Variants in TNS4 observed in about 807,000 individuals in gnomAD.
TNS4 encodes tensin 4.
Under a neutral mutation model 70.4 loss-of-function variants are expected in TNS4, and 46 were observed. That is an observed-to-expected ratio of 0.65 (90% CI 0.52 to 0.84). The LOEUF is 0.84. TNS4 is among the 40% of genes least tolerant of loss of function. TNS4 has a pLI of 0.00. For synonymous variants in TNS4, 390 were observed against 366.6 expected (o/e 1.06, Z -0.73); for missense variants, 863 against 907.0 (o/e 0.95, Z 0.62).
chr17:40,482,186 A>G lies in TNS4; in HGVS notation c.1615T>C (p.Cys539Arg). The G allele has an allele frequency of 6.2e-7, 1 of 1,614,220 alleles. No homozygotes were observed. Among genetic ancestry groups the G allele is most frequent in the Non-Finnish European group, 8.5e-7 (1 of 1,180,046 alleles). ...PYFGSLSAFV[C>R]QHSIMALALP... ...GCCAGGGCCATGATGGAATGCTGGC[A>G]CACGAAGGCAGAGAGGCTCCCTGAA... The change falls in exon 8 of 13, where the codon TGC (cysteine) becomes CGC (arginine). Residue 539 changes from cysteine to arginine, a missense_variant. Transcript: ENST00000254051.
At chr17:40,485,056 C>T in intron 4 of TNS4, 49 bp from the exon 5 acceptor site, 2 of 1,533,720 alleles carry the variant, frequency 1.3e-6, no homozygotes, top group South Asian at 1.1e-5. Context: ...CAGACGGGAG[C>T]TGAGGGATGT....
In TNS4 at chr17:40,484,505, C is replaced by T. The variant is rs144945269; in HGVS notation, c.1480G>A (p.Ala494Thr). The T allele has an allele frequency of 6.7e-4, 1,078 of 1,611,726 alleles. 8 individuals are homozygous for T. The highest frequency in any genetic ancestry group is 2.0e-3 in the South Asian group (182 of 91,076). ...GLALKVQEVP[A>T]SAQSRPGEDS... The stretch of plus-strand genomic sequence containing the variant: ...ATACCTGGTCGACTCTGAGCAGACG[C>T]GGGAACCTCCTGCACCTTCAGGGCC... Residue 494 changes from alanine (A) to threonine (T), a missense_variant, in exon 6 of 13, where the codon GCG (alanine) becomes ACG (threonine). Coordinates refer to ENST00000254051, the MANE Select transcript of TNS4 (RefSeq NM_032865.6).
Position 40,476,284 on chromosome 17 carries a change from A to G in TNS4, c.*1304T>C, listed in dbSNP as rs970982598. 1 of 151,330 alleles carries G rather than the reference A, an allele frequency of 6.6e-6. No homozygotes were observed. Among genetic ancestry groups the G allele is most frequent in the Non-Finnish European group, 1.5e-5 (1 of 67,976 alleles). The allele number at this position is 151,330 out of a possible 1,614,324, so 9.4% of individuals were successfully genotyped here. On this transcript the variant is annotated 3_prime_UTR_variant, in exon 13 of 13. Coordinates refer to ENST00000254051, the MANE Select transcript of TNS4 (RefSeq NM_032865.6). ...AGAGCCCAGCTCCTCCAAGCCTCTT[A>G]GGGAAGCGGCCTCTTTGCATTCTTG...
chr17:40,496,534 A>G lies in TNS4; in HGVS notation c.-95-14T>C, dbSNP rs941981862. On this transcript the variant is annotated splice_polypyrimidine_tract_variant and intron_variant, in intron 1 of 12. Coordinates refer to ENST00000254051, the MANE Select transcript of TNS4 (RefSeq NM_032865.6). ...AGCTCCCAGGATCTGAAAGAGTCCA[A>G]GAGTGGGAACGGAGTAATTTCTGTA... 4.1e-6 allele frequency: 5 copies of G among 1,207,190 alleles called. No homozygotes were observed. Among genetic ancestry groups the G allele is most frequent in the Middle Eastern group, 2.9e-4 (1 of 3,502 alleles). 74.8% of individuals were successfully genotyped at this position (1,207,190 alleles called of 1,614,324 possible). A position where few individuals can be genotyped will look rare whatever the true frequency, so the allele number is the denominator to read the frequency against.
intron 10 of TNS4, 134 bp from the exon 11 acceptor site, chr17:40,478,782 G>C (rs542650772): frequency 2.1e-6 from 2 of 951,418 alleles, no homozygotes; most frequent in Non-Finnish European, 3.2e-6. Flanking sequence ...CTTGAAGACC[G>C]CTATGGCCTT....
In TNS4 at chr17:40,484,955, T is replaced by A. The variant is rs1481911769; in HGVS notation, c.1341A>T (p.Lys447Asn). 6.2e-7 allele frequency: 1 copy of A among 1,614,208 alleles called. No homozygotes were observed. The highest frequency in any genetic ancestry group is 1.7e-5 in the Admixed American group (1 of 60,026). ...PTMKFVMDTS[K>N]YWFKPNITRE... Reference sequence around the variant, plus strand: ...GGGTGATGTTTGGCTTAAACCAGTATTTAGATGTGTCCATCACGAACTTCA... The same window carrying A: ...GGGTGATGTTTGGCTTAAACCAGTAATTAGATGTGTCCATCACGAACTTCA... Residue 447 changes from lysine to asparagine, a missense_variant, in exon 5 of 13, where the codon AAA becomes AAT. By Grantham distance (94) the Lys-to-Asn change is moderately conservative. Transcript: ENST00000254051.
chr17:40,489,148 G>C (rs567803229), intron 2 of TNS4, among the ~76,000 whole-genome samples, 179 bp from the exon 3 acceptor site: 1 of 152,204 alleles, frequency 6.6e-6, no homozygotes, highest in African/African-American at 2.4e-5. Flanking sequence ...CACCCTCCCT[G>C]TGACAACTTC....
intron 9 of TNS4, among the ~76,000 whole-genome samples, chr17:40,480,163 C>A (rs918227464): frequency 1.3e-5 from 2 of 152,202 alleles, no homozygotes; most frequent in African/African-American, 4.8e-5. Context: ...CCTCCCCACA[C>A]CTCCATCTTC....
intron 1 of TNS4, among the ~76,000 whole-genome samples, chr17:40,497,920 CT>C (rs1567815706): frequency 6.6e-6 from 1 of 152,198 alleles, no homozygotes; most frequent in Non-Finnish European, 1.5e-5. Flanking sequence ...CCTCATTTTC[CT>C]TACTGTGAAA....
chr17:40,488,010 G>A (rs1028542035), intron 3 of TNS4, among the ~76,000 whole-genome samples: 3 of 152,250 alleles, frequency 2.0e-5, no homozygotes, highest in Admixed American at 1.3e-4. Context: ...TGGAGGTGGA[G>A]TGGGAAGCAG....
At chr17:40,486,645 G>A (rs2035992515) in intron 4 of TNS4, among the ~76,000 whole-genome samples, 1 of 151,054 alleles carries the variant, frequency 6.6e-6, no homozygotes, top group Admixed American at 6.6e-5. Flanking sequence ...AACATGCCAT[G>A]CGCTTCCACA....
intron 8 of TNS4, among the ~76,000 whole-genome samples, chr17:40,481,894 C>T (rs564083217): frequency 6.6e-6 from 1 of 152,384 alleles, no homozygotes; most frequent in African/African-American, 2.4e-5. Flanking sequence ...CGGGCTATCT[C>T]TTTCGGTCTG....
chr17:40,493,973 C>T (rs1473579909), intron 2 of TNS4, among the ~76,000 whole-genome samples: 2 of 152,252 alleles, frequency 1.3e-5, no homozygotes, highest in Non-Finnish European at 2.9e-5. Context: ...AGTGACATGC[C>T]CATGACTGAC....
At chr17:40,489,752 G>A (rs992098632) in intron 2 of TNS4, among the ~76,000 whole-genome samples, 14 of 138,768 alleles carry the variant, frequency 1.0e-4, no homozygotes, top group Non-Finnish European at 2.1e-4. Context: ...CCGAGATTGC[G>A]CCACTGCACT....
intron 2 of TNS4, among the ~76,000 whole-genome samples, chr17:40,492,961 C>T (rs777681057): frequency 2.6e-5 from 4 of 151,918 alleles, no homozygotes; most frequent in Admixed American, 6.6e-5. Context: ...CTATGAGAAT[C>T]GCTTGAACCT....
At chr17:40,478,060 T>G in intron 12 of TNS4, 1 of 614,496 alleles carries the variant, frequency 1.6e-6, no homozygotes, top group South Asian at 2.0e-5. Flanking sequence ...TCCAATAGCT[T>G]GAGGCTCCCT....
rs1193179638 is a variant in TNS4, at chr17:40,476,786, C to T, written c.*802G>A. 1 of 152,216 alleles carries T rather than the reference C, an allele frequency of 6.6e-6. No individual in the cohort carries two copies. Among genetic ancestry groups the T allele is most frequent in the Non-Finnish European group, 1.5e-5 (1 of 68,124 alleles). 9.4% of individuals were successfully genotyped at this position (152,216 alleles called of 1,614,324 possible). A position where few individuals can be genotyped will look rare whatever the true frequency, so the allele number is the denominator to read the frequency against. ...CCTGAGGCAGGATAATTGCTTGAAC[C>T]TGGGAGGTGGAGGTTGCAGTGAGCC... On this transcript the variant is annotated 3_prime_UTR_variant, in exon 13 of 13. Transcript: ENST00000254051.
chr17:40,479,886 C>T, intron 9 of TNS4, 44 bp from the exon 10 acceptor site: 1 of 1,560,028 alleles, frequency 6.4e-7, no homozygotes. Flanking sequence ...ACCCAGGGCC[C>T]AGGTTCTCCC....
Position 40,477,457 on chromosome 17 carries a change from T to C in TNS4, c.*131A>G. The C allele has an allele frequency of 7.7e-7, 1 of 1,300,780 alleles. No individual in the cohort carries two copies. 80.6% of individuals were successfully genotyped at this position (1,300,780 alleles called of 1,614,324 possible). ...CATAGCAGGTTCAAGGGTGTCAACT[T>C]GATGCCAATCCCCCTAGTCCCATAG... On this transcript the variant is annotated 3_prime_UTR_variant, in exon 13 of 13. Transcript: ENST00000254051.
Sources: allele counts gnomAD v4.1 joint callset (sites outside exome capture counted in the v4.1 genomes callset), GRCh38; gene constraint gnomAD v4.1.1; transcripts MANE v1.5; gene names NCBI Gene and HGNC (gene_info 2026-07-23, HGNC 2026-07-21).